The following DACH2 variants were observed in gnomAD, a reference collection of about 807,000 sequenced individuals.
The protein encoded by DACH2 is dachshund family transcription factor 2.
DACH2 carries 17 observed loss-of-function variants against 35.8 expected under a neutral mutation model. The observed-to-expected ratio is 0.48, with a 90% CI of 0.33 to 0.71. DACH2 has a LOEUF of 0.71. Among genes scored for constraint, DACH2 ranks in the 30% least tolerant of loss-of-function variants. The pLI is 0.02. For synonymous variants in DACH2, 195 were observed against 177.3 expected (o/e 1.10, Z -0.79); for missense variants, 469 against 472.7 (o/e 0.99, Z 0.07).
intron 2 of DACH2, among the ~76,000 whole-genome samples, chrX:86,441,197 A>G (rs187382095): frequency 4.5e-5 from 5 of 111,306 alleles, no homozygotes; most frequent in African/African-American, 9.8e-5. Flanking sequence ...TAATTTATCA[A>G]TATTAGATCT....
At chrX:86,556,719 G>C (rs1437106556) in intron 3 of DACH2, among the ~76,000 whole-genome samples, 1 of 90,994 alleles carries the variant, frequency 1.1e-5, no homozygotes, top group Non-Finnish European at 2.1e-5. Context: ...ATGTGTATTA[G>C]TCAGAGTTCT....
intron 7 of DACH2, among the ~76,000 whole-genome samples, chrX:86,746,839 C>G (rs1412429097): frequency 9.0e-6 from 1 of 111,060 alleles, no homozygotes; most frequent in Non-Finnish European, 1.9e-5. Context: ...AATGCTTCGT[C>G]CTTACACTTA....
chrX:86,723,044 C>G (rs2041425122), intron 6 of DACH2, among the ~76,000 whole-genome samples: 3 of 111,851 alleles, frequency 2.7e-5, no homozygotes, highest in African/African-American at 9.7e-5. Context: ...CTTCTTGGTT[C>G]AATCTTGAGA....
chrX:86,649,094 C>A (rs770946599), intron 3 of DACH2, among the ~76,000 whole-genome samples: 2 of 110,711 alleles, frequency 1.8e-5, no homozygotes, highest in East Asian at 5.7e-4. Context: ...TCCTCATCTG[C>A]AAACTGAAGA....
At chrX:86,328,149 T>C (rs887684581) in intron 1 of DACH2, among the ~76,000 whole-genome samples, 3 of 111,717 alleles carry the variant, frequency 2.7e-5, no homozygotes, top group African/African-American at 9.8e-5. Context: ...ATACTAACTT[T>C]CATTTTAATC....
chrX:86,486,613 C>A (rs897403857), intron 2 of DACH2, among the ~76,000 whole-genome samples: 9 of 111,515 alleles, frequency 8.1e-5, no homozygotes, highest in African/African-American at 2.9e-4. Context: ...TCTTTCCACT[C>A]TGAGGAGGGG....
At chrX:86,784,978 G>A (rs1035289900) in intron 7 of DACH2, among the ~76,000 whole-genome samples, 1 of 110,848 alleles carries the variant, frequency 9.0e-6, no homozygotes, top group Non-Finnish European at 1.9e-5. Flanking sequence ...GCCTGCTAGA[G>A]GGTGGAGGGT....
At chrX:86,798,361 G>C (rs886148969) in intron 7 of DACH2, among the ~76,000 whole-genome samples, 1 of 112,160 alleles carries the variant, frequency 8.9e-6, no homozygotes, top group Admixed American at 9.4e-5. Context: ...GTAGTAATGA[G>C]AGGCTCCATC....
At chrX:86,397,021 A>G (rs1240086146) in intron 2 of DACH2, among the ~76,000 whole-genome samples, 2 of 111,090 alleles carry the variant, frequency 1.8e-5, no homozygotes, top group Non-Finnish European at 3.8e-5. Context: ...CCTACCCGTG[A>G]GCATGGAATG....
chrX:86,758,462 CCTT>C (rs1378629721), intron 7 of DACH2, among the ~76,000 whole-genome samples: 2 of 111,941 alleles, frequency 1.8e-5, no homozygotes, highest in East Asian at 2.8e-4. Flanking sequence ...AAAATTTCCT[CCTT>C]AATTTCTTTC....
At chrX:86,803,434 G>C (rs962635383) in intron 7 of DACH2, among the ~76,000 whole-genome samples, 8 of 111,487 alleles carry the variant, frequency 7.2e-5, no homozygotes, top group African/African-American at 2.3e-4. Context: ...TTATTGGAGA[G>C]ACTAAGAGTT....
chrX:86,760,831 G>T (rs1291178496), intron 7 of DACH2, among the ~76,000 whole-genome samples: 1 of 108,310 alleles, frequency 9.2e-6, no homozygotes, highest in Non-Finnish European at 1.9e-5. Context: ...TGCACATTTG[G>T]TGTGAAAGTT....
At chrX:86,746,767 C>A (rs1776620063) in intron 7 of DACH2, among the ~76,000 whole-genome samples, 1 of 110,853 alleles carries the variant, frequency 9.0e-6, no homozygotes. Context: ...ACAGGTTATT[C>A]ATTTTCATAA....
chrX:86,612,037 C>G lies in DACH2; in HGVS notation c.641-38999C>G, dbSNP rs553873817. Reference sequence around the variant, plus strand: ...ATATTCAGCCATCTTGCCCAGCCCCCTCTCTAAAAGGTTTTTTTTAGTCAA... The same window carrying G: ...ATATTCAGCCATCTTGCCCAGCCCCGTCTCTAAAAGGTTTTTTTTAGTCAA... On this transcript the variant is annotated intron_variant, in intron 3 of 11. Coordinates refer to ENST00000373125, the MANE Select transcript of DACH2 (RefSeq NM_053281.3). Among the ~76,000 whole-genome samples, 27 of 107,953 alleles carry G rather than the reference C, an allele frequency of 2.5e-4. No homozygotes were observed. The South Asian group carries it at 0.011, about 46-fold the overall frequency. The allele number at this position is 107,953 out of a possible 115,157, so 93.7% of individuals were successfully genotyped here. A position where few individuals can be genotyped will look rare whatever the true frequency, so the allele number is the denominator to read the frequency against.
At chrX:86,602,576 G>C (rs1286371089) in intron 3 of DACH2, among the ~76,000 whole-genome samples, 1 of 111,943 alleles carries the variant, frequency 8.9e-6, no homozygotes, top group Admixed American at 9.5e-5. Context: ...AATTGTGGTA[G>C]TCATTTGCAT....
At chrX:86,240,436 A>AGAT (rs1287963796) in intron 1 of DACH2, among the ~76,000 whole-genome samples, 1 of 74,325 alleles carries the variant, frequency 1.3e-5, no homozygotes, top group East Asian at 6.2e-4. Flanking sequence ...TGGTTGTATC[A>AGAT]GATTATTATT....
intron 7 of DACH2, among the ~76,000 whole-genome samples, chrX:86,780,170 C>CA (rs5902915): frequency 0.22 from 20,102 of 89,859 alleles, 2,263 homozygotes; most frequent in Admixed American, 0.41. Flanking sequence ...ATATAAATAC[C>CA]AAAAAAAAAA....
chrX:86,537,866 G>A (rs983100836), intron 3 of DACH2, among the ~76,000 whole-genome samples: 4 of 111,203 alleles, frequency 3.6e-5, no homozygotes, highest in Non-Finnish European at 7.5e-5. Context: ...GAAAATGGCC[G>A]GTTCCTGCCT....
chrX:86,638,468 A>G (rs1225711752), intron 3 of DACH2, among the ~76,000 whole-genome samples: 2 of 111,658 alleles, frequency 1.8e-5, no homozygotes, highest in Admixed American at 9.5e-5. Context: ...GAGTGAACAG[A>G]CCACTGGCAG....
Sources: allele counts gnomAD v4.1 joint callset (sites outside exome capture counted in the v4.1 genomes callset), GRCh38; gene constraint gnomAD v4.1.1; transcripts MANE v1.5; gene names NCBI Gene and HGNC (gene_info 2026-07-23, HGNC 2026-07-21).